Variants in TRABD2B observed in about 807,000 individuals in gnomAD.
The protein encoded by TRABD2B is metalloprotease TIKI2.
A neutral mutation model predicts 40.1 loss-of-function variants in TRABD2B; 14 were observed. That is an observed-to-expected ratio of 0.35 (90% confidence interval 0.23 to 0.55). TRABD2B has a LOEUF of 0.55. Among genes scored for constraint, TRABD2B ranks in the 20% least tolerant of loss-of-function variants. TRABD2B has a pLI of 0.90. For synonymous variants in TRABD2B, 263 were observed against 277.0 expected, an observed-to-expected ratio of 0.95 and a Z score of 0.50; for missense variants, 541 against 648.6, an observed-to-expected ratio of 0.83 and a Z score of 1.80.
intron 2 of TRABD2B, among the ~76,000 whole-genome samples, chr1:47,894,896 G>A (rs369995408): frequency 9.9e-5 from 15 of 152,186 alleles, no homozygotes; most frequent in African/African-American, 2.9e-4. Context: ...GTGGCCAGAC[G>A]TGGCCACAGA....
At chr1:47,770,235 C>A (rs1644360865) in intron 6 of TRABD2B, among the ~76,000 whole-genome samples, 1 of 152,202 alleles carries the variant, frequency 6.6e-6, no homozygotes, top group African/African-American at 2.4e-5. Flanking sequence ...GGATAGAGAT[C>A]TCACTGTGAT....
At chr1:47,896,257 C>T (rs1023554957) in intron 2 of TRABD2B, among the ~76,000 whole-genome samples, 3 of 152,188 alleles carry the variant, frequency 2.0e-5, no homozygotes, top group Non-Finnish European at 1.5e-5. Flanking sequence ...GGAGGCTTGG[C>T]CCAGGGCCTA....
At chr1:47,832,049 C>T (rs1391734681) in intron 2 of TRABD2B, among the ~76,000 whole-genome samples, 4 of 152,108 alleles carry the variant, frequency 2.6e-5, no homozygotes, top group Non-Finnish European at 4.4e-5. Flanking sequence ...AAGAAGAGGT[C>T]GGGCTGGGCG....
At chr1:47,896,912 T>C (rs997413531) in intron 2 of TRABD2B, among the ~76,000 whole-genome samples, 1 of 152,226 alleles carries the variant, frequency 6.6e-6, no homozygotes. Context: ...CCTCTCTCCC[T>C]AACACATATA....
intron 2 of TRABD2B, among the ~76,000 whole-genome samples, chr1:47,915,907 T>C (rs906930620): frequency 1.3e-5 from 2 of 152,190 alleles, no homozygotes; most frequent in Non-Finnish European, 2.9e-5. Context: ...TAGCCATGGC[T>C]GACAGGTCTC....
Position 47,997,375 on chromosome 1 carries a change from G to A in TRABD2B, c.-586C>T, listed in dbSNP as rs1417466474. On this transcript the variant is annotated 5_prime_UTR_variant, in exon 1 of 7. Coordinates refer to ENST00000606738, the MANE Select transcript of TRABD2B (RefSeq NM_001194986.2). ...GCCATGCTGCTCCGCGGCCGGGAGG[G>A]AGGGAGAGAGGAGGGCGGGAGAGCG... The A allele has an allele frequency of 1.4e-5, 3 of 208,728 alleles. No homozygotes were observed. The highest frequency in any genetic ancestry group is 6.9e-5 in the Admixed American group (1 of 14,590). The allele number at this position is 208,728 out of a possible 1,614,324, so 12.9% of individuals were successfully genotyped here.
At chr1:47,779,641 C>T (rs1304195734) in intron 4 of TRABD2B, among the ~76,000 whole-genome samples, 1 of 152,014 alleles carries the variant, frequency 6.6e-6, no homozygotes, top group Non-Finnish European at 1.5e-5. Flanking sequence ...CTGGGATGTC[C>T]CTCTGCCTCG....
intron 2 of TRABD2B, among the ~76,000 whole-genome samples, chr1:47,896,396 G>C (rs1644522672): frequency 6.6e-6 from 1 of 152,158 alleles, no homozygotes; most frequent in Non-Finnish European, 1.5e-5. Flanking sequence ...GAGTCACGCA[G>C]CCCACTCCAC....
intron 2 of TRABD2B, among the ~76,000 whole-genome samples, chr1:47,906,130 C>A (rs1557648703): frequency 6.6e-6 from 1 of 152,284 alleles, no homozygotes; most frequent in African/African-American, 2.4e-5. Context: ...CTGAGTGCTC[C>A]CCACTTCAAT....
rs907834210 is a variant in TRABD2B, at chr1:47,765,664, T to A, written c.*238A>T. Reference sequence around the variant, plus strand: ...TATCGGTAGAATAAATACATTTTTCTTTTTTAATATGGACACGTATTTTAC... The same window carrying A: ...TATCGGTAGAATAAATACATTTTTCATTTTTAATATGGACACGTATTTTAC... On this transcript the variant is annotated 3_prime_UTR_variant, in exon 7 of 7. Coordinates refer to ENST00000606738, the MANE Select transcript of TRABD2B (RefSeq NM_001194986.2). 1.7e-6 allele frequency: 1 copy of A among 590,912 alleles called. No individual in the cohort carries two copies. Among genetic ancestry groups the A allele is most frequent in the African/African-American group, 1.9e-5 (1 of 53,640 alleles). 36.6% of individuals were successfully genotyped at this position (590,912 alleles called of 1,614,324 possible).
intron 6 of TRABD2B, 45 bp downstream of exon 6, chr1:47,775,125 G>A (rs780162363): frequency 8.1e-6 from 10 of 1,232,328 alleles, no homozygotes; most frequent in African/African-American, 4.7e-5. Context: ...ACTATCCCGG[G>A]TGCAGACGCC....
chr1:47,833,496 G>C (rs1000411968), intron 2 of TRABD2B, among the ~76,000 whole-genome samples: 1 of 152,374 alleles, frequency 6.6e-6, no homozygotes, highest in Non-Finnish European at 1.5e-5. Flanking sequence ...ATCATTGGCA[G>C]AAGAGGTTGT....
intron 2 of TRABD2B, among the ~76,000 whole-genome samples, chr1:47,916,053 G>A (rs1458647994): frequency 3.9e-5 from 6 of 151,984 alleles, no homozygotes; most frequent in African/African-American, 9.7e-5. Context: ...TGCTGAGGAC[G>A]CCGCAGACAG....
At chr1:47,953,842 T>A (rs1570358044) in intron 2 of TRABD2B, among the ~76,000 whole-genome samples, 1 of 152,198 alleles carries the variant, frequency 6.6e-6, no homozygotes, top group African/African-American at 2.4e-5. Context: ...ACCCAGTGCC[T>A]CCCACTCCAG....
chr1:47,915,804 G>A (rs1435178771), intron 2 of TRABD2B, among the ~76,000 whole-genome samples: 1 of 152,194 alleles, frequency 6.6e-6, no homozygotes, highest in Admixed American at 6.5e-5. Flanking sequence ...GCTGCTCCCT[G>A]TGCCGGACCC....
At chr1:47,876,718 G>C (rs1644230306) in intron 2 of TRABD2B, among the ~76,000 whole-genome samples, 1 of 152,252 alleles carries the variant, frequency 6.6e-6, no homozygotes, top group Non-Finnish European at 1.5e-5. Context: ...GGGGTTCCGG[G>C]AGGGAGTGAG....
chr1:47,830,774 A>C lies in TRABD2B; in HGVS notation c.667-29155T>G, dbSNP rs371827741. ...GTGAGCCAGGGAAAGACGGAGGCAA[A>C]GAGGGAGAAGGAATCTTTAAGAGAG... On this transcript the variant is annotated intron_variant, in intron 2 of 6. Transcript: ENST00000606738. Among the ~76,000 whole-genome samples the C allele has an allele frequency of 1.8e-4, 27 of 152,290 alleles. 1 individual carries two copies. The East Asian group carries it at 2.5e-3, about 14-fold the overall frequency.
intron 2 of TRABD2B, among the ~76,000 whole-genome samples, chr1:47,866,790 T>C (rs10890509): frequency 0.98 from 148,489 of 152,272 alleles, 72,539 homozygotes; most frequent in East Asian, 1. Context: ...CCACTGGGCC[T>C]GTCCAAGCCT....
chr1:47,835,603 G>T (rs533114729), intron 2 of TRABD2B, among the ~76,000 whole-genome samples: 1 of 152,310 alleles, frequency 6.6e-6, no homozygotes, highest in Non-Finnish European at 1.5e-5. Context: ...ATGGAGGCCA[G>T]AAGGTGATAT....
Sources: allele counts gnomAD v4.1 joint callset (sites outside exome capture counted in the v4.1 genomes callset), GRCh38; gene constraint gnomAD v4.1.1; transcripts MANE v1.5; gene names NCBI Gene and HGNC (gene_info 2026-07-23, HGNC 2026-07-21).